The following IRAK3 variants were observed in gnomAD, a reference collection of about 807,000 sequenced individuals.
IRAK3 encodes the protein interleukin 1 receptor associated kinase 3, also known as interleukin-1 receptor-associated kinase 3.
In IRAK3, 57 loss-of-function variants were observed where a neutral mutation model predicts 56.6. That is an observed-to-expected ratio of 1.01 (90% CI 0.81 to 1.26). The LOEUF (loss-of-function observed/expected upper bound fraction) is 1.26, where lower values mean the gene tolerates loss of function less well. Among genes scored for constraint, IRAK3 ranks in the 50% most tolerant of loss-of-function variants. The pLI, the probability that IRAK3 is intolerant of heterozygous loss-of-function variation, is 0.00. For synonymous variants in IRAK3, 258 were observed against 255.7 expected, an observed-to-expected ratio of 1.01 and a Z score of -0.09; for missense variants, 703 against 719.0, an observed-to-expected ratio of 0.98 and a Z score of 0.25.
At chr12:66,208,351 A>ACACACACAAACACACG (rs2052577628) in intron 2 of IRAK3, among the ~76,000 whole-genome samples, 1 of 151,510 alleles carries the variant, frequency 6.6e-6, no homozygotes, top group Non-Finnish European at 1.5e-5. Context: ...ACAAACACAC[A>ACACACACAAACACACG]CACACGCACA....
chr12:66,218,909 T>G (rs1313202296), intron 6 of IRAK3, among the ~76,000 whole-genome samples: 3 of 152,148 alleles, frequency 2.0e-5, no homozygotes, highest in Non-Finnish European at 4.4e-5. Context: ...CACATATAAG[T>G]GAGATCATGC....
intron 8 of IRAK3, among the ~76,000 whole-genome samples, chr12:66,241,113 A>G (rs572908791): frequency 5.1e-4 from 77 of 152,274 alleles, no homozygotes; most frequent in African/African-American, 1.8e-3. Context: ...CCCTACTAAT[A>G]GAGAGATTAA....
chr12:66,211,450 A>G lies in IRAK3; in HGVS notation c.441A>G (p.Ile147Met), dbSNP rs1592583780. 3.1e-6 allele frequency: 5 copies of G among 1,594,792 alleles called. No homozygotes were observed. Among genetic ancestry groups the G allele is most frequent in the Non-Finnish European group, 4.3e-6 (5 of 1,162,306 alleles). The change falls in exon 5 of 12, where the codon ATA (isoleucine) becomes ATG (methionine). Residue 147 changes from isoleucine to methionine, a missense_variant. Transcript: ENST00000261233. The stretch of plus-strand genomic sequence containing the variant: ...CCCCCTACTTTCCTTCCTAAGGAAT[A>G]CTGCTTAAATCTTCCATCAGCTTTC... ...VLIPEHNEKGILLKSSISFQN... is the reference protein window; with the variant it reads ...VLIPEHNEKGMLLKSSISFQN...
chr12:66,200,720 T>C (rs1238448729), intron 1 of IRAK3, among the ~76,000 whole-genome samples: 1 of 152,202 alleles, frequency 6.6e-6, no homozygotes, highest in African/African-American at 2.4e-5. Context: ...AGGCAGAAGA[T>C]ATTTGCCTTT....
At chr12:66,235,279 G>T (rs760502583) in intron 8 of IRAK3, 4 of 1,513,914 alleles carry the variant, frequency 2.6e-6, no homozygotes, top group South Asian at 1.3e-5. Context: ...TGCTGCTGGG[G>T]AAGATCATCG....
chr12:66,240,124 G>GC (rs2052951480), intron 8 of IRAK3, among the ~76,000 whole-genome samples: 1 of 152,164 alleles, frequency 6.6e-6, no homozygotes, highest in South Asian at 2.1e-4. Context: ...ACAATGGCCA[G>GC]CCTATATCCT....
intron 6 of IRAK3, among the ~76,000 whole-genome samples, chr12:66,221,757 C>G (rs1320200708): frequency 3.9e-5 from 6 of 152,168 alleles, no homozygotes; most frequent in Non-Finnish European, 7.3e-5. Context: ...AGACTGGGCA[C>G]AGGGGCACAT....
At chr12:66,190,185 A>G (rs931884599) in intron 1 of IRAK3, among the ~76,000 whole-genome samples, 5 of 152,206 alleles carry the variant, frequency 3.3e-5, no homozygotes, top group Non-Finnish European at 7.3e-5. Flanking sequence ...GAAAAGAATC[A>G]TGATTATGTC....
intron 1 of IRAK3, among the ~76,000 whole-genome samples, chr12:66,191,802 G>A (rs1255488501): frequency 6.6e-6 from 1 of 152,182 alleles, no homozygotes; most frequent in African/African-American, 2.4e-5. Flanking sequence ...AATCAAAGAG[G>A]CAGTCCTTTG....
chr12:66,254,212 A>G lies in IRAK3; in HGVS notation c.*6041A>G, dbSNP rs903889698. 1.3e-5 allele frequency: 2 copies of G among 152,330 alleles called. No homozygotes were observed. The highest frequency in any genetic ancestry group is 4.8e-5 in the African/African-American group (2 of 41,586). The allele number at this position is 152,330 out of a possible 1,614,324, so 9.4% of individuals were successfully genotyped here. On this transcript the variant is annotated 3_prime_UTR_variant, in exon 12 of 12. Transcript: ENST00000261233. The stretch of plus-strand genomic sequence containing the variant: ...TATCCTAATGAATAAAAGTTGTCCA[A>G]GTCTTCAAACATGAGCCCAAAGGTA...
chr12:66,244,550 C>T lies in IRAK3; in HGVS notation c.952C>T (p.Arg318Trp), dbSNP rs779280048. The T allele has an allele frequency of 8.6e-5, 138 of 1,613,842 alleles. No homozygotes were observed. Among genetic ancestry groups the T allele is most frequent in the Middle Eastern group, 1.6e-4 (1 of 6,084 alleles). Residue 318 changes from arginine (R) to tryptophan (W), a missense_variant, in exon 9 of 12, where the codon CGG (arginine) becomes TGG (tryptophan). Coordinates refer to ENST00000261233, the MANE Select transcript of IRAK3 (RefSeq NM_007199.3). ...KLTDFAMAHF[R>W]SHLEHQSCTI... is the part of the protein sequence containing the mutation. Reference sequence around the variant, plus strand: ...AACTGATTTTGCCATGGCACACTTCCGGTCCCACCTAGAACATCAGAGTTG... The same window carrying T: ...AACTGATTTTGCCATGGCACACTTCTGGTCCCACCTAGAACATCAGAGTTG...
At chr12:66,192,695 A>G (rs2052410714) in intron 1 of IRAK3, among the ~76,000 whole-genome samples, 2 of 152,228 alleles carry the variant, frequency 1.3e-5, no homozygotes, top group African/African-American at 4.8e-5. Flanking sequence ...TATATTCAAT[A>G]AAGATTCAAA....
intron 6 of IRAK3, among the ~76,000 whole-genome samples, chr12:66,219,345 T>C (rs189757158): frequency 2.8e-4 from 42 of 151,274 alleles, no homozygotes; most frequent in Middle Eastern, 3.4e-3. Flanking sequence ...ATACTGTTCT[T>C]GTGATAGTGA....
intron 8 of IRAK3, among the ~76,000 whole-genome samples, chr12:66,233,435 GT>G (rs2052865547): frequency 6.6e-6 from 1 of 151,796 alleles, no homozygotes; most frequent in African/African-American, 2.4e-5. Flanking sequence ...GGAGAATGGC[GT>G]GAACCCGGGA....
chr12:66,243,028 T>A (rs1005900710), intron 8 of IRAK3, among the ~76,000 whole-genome samples: 1 of 151,444 alleles, frequency 6.6e-6, no homozygotes, highest in African/African-American at 2.4e-5. Context: ...ATCGTGCCAA[T>A]GCGCTCCAGC....
chr12:66,204,056 T>C (rs1298543588), intron 2 of IRAK3, among the ~76,000 whole-genome samples, 163 bp downstream of exon 2: 1 of 152,236 alleles, frequency 6.6e-6, no homozygotes, highest in Non-Finnish European at 1.5e-5. Flanking sequence ...CACATTTTCT[T>C]GTGACACTTT....
In IRAK3 at chr12:66,252,806, A is replaced by G. The variant is rs2053113569; in HGVS notation, c.*4635A>G. ...ATCCCATGGTGGACCTCACTTTGCTATTCATATGCACTAAGTAGTTTATGG... is the reference window on the plus strand; with the variant it reads ...ATCCCATGGTGGACCTCACTTTGCTGTTCATATGCACTAAGTAGTTTATGG... On this transcript the variant is annotated 3_prime_UTR_variant, in exon 12 of 12. Coordinates refer to ENST00000261233, the MANE Select transcript of IRAK3 (RefSeq NM_007199.3). 6.6e-6 allele frequency: 1 copy of G among 152,158 alleles called. No individual in the cohort carries two copies. Among genetic ancestry groups the G allele is most frequent in the African/African-American group, 2.4e-5 (1 of 41,428 alleles). The allele number at this position is 152,158 out of a possible 1,614,324, so 9.4% of individuals were successfully genotyped here.
rs540228993 is a variant in IRAK3 at position 66,226,396 on chromosome 12, C to A, written c.654-327C>A. On this transcript the variant is annotated intron_variant, in intron 6 of 11. Coordinates refer to ENST00000261233, the MANE Select transcript of IRAK3 (RefSeq NM_007199.3). ...GCTGGGATAACCAGGTGCTCACCAC[C>A]ATGCCCAGCTAATTTTTGTATTTTT... Among the ~76,000 whole-genome samples the A allele has an allele frequency of 1.6e-4, 24 of 152,156 alleles. No homozygotes were observed. The South Asian group carries it at 4.8e-3, about 30-fold the overall frequency.
Position 66,226,845 on chromosome 12 carries a change from C to A in IRAK3, c.768+8C>A. On this transcript the variant is annotated splice_region_variant and intron_variant, in intron 7 of 11. Coordinates refer to ENST00000261233, the MANE Select transcript of IRAK3 (RefSeq NM_007199.3). ...GACAGATTGCAGTGTGTAGTAAGTTCTATCTATTATTCTGTCTGATCCTCT... is the reference window on the plus strand; with the variant it reads ...GACAGATTGCAGTGTGTAGTAAGTTATATCTATTATTCTGTCTGATCCTCT... 6.9e-7 allele frequency: 1 copy of A among 1,444,898 alleles called. No homozygotes were observed. The highest frequency in any genetic ancestry group is 9.8e-7 in the Non-Finnish European group (1 of 1,025,610). 89.5% of individuals were successfully genotyped at this position (1,444,898 alleles called of 1,614,324 possible).
Sources: allele counts gnomAD v4.1 joint callset (sites outside exome capture counted in the v4.1 genomes callset), GRCh38; gene constraint gnomAD v4.1.1; transcripts MANE v1.5; gene names NCBI Gene and HGNC (gene_info 2026-07-23, HGNC 2026-07-21).